Variants in ADGRG1 observed in about 807,000 individuals in gnomAD.
ADGRG1 encodes the protein 7-transmembrane protein with no EGF-like N-terminal domains-1.
In ADGRG1, 53 loss-of-function variants were observed where a neutral mutation model predicts 73.5. The observed-to-expected ratio is 0.72, with a 90% CI of 0.58 to 0.91. The LOEUF (loss-of-function observed/expected upper bound fraction) is 0.91, where lower values mean the gene tolerates loss of function less well. Among genes scored for constraint, ADGRG1 ranks in the 40% least tolerant of loss-of-function variants. The probability of loss-of-function intolerance (pLI) is 0.00; values close to 1 mark genes in which losing one functional copy is unlikely to be tolerated. For missense variants in ADGRG1, 795 were observed against 871.8 expected, an observed-to-expected ratio of 0.91 and a Z score of 1.11; for synonymous variants, 394 against 374.4, an observed-to-expected ratio of 1.05 and a Z score of -0.60.
Position 57,655,861 on chromosome 16 carries a change from A to AC in ADGRG1, c.901-11dup. ...ACTCCCTCCCTACTCTCTTCCTCCA[A>AC]CCCCATGTATCTAGGACAAGAATTC... On this transcript the variant is annotated splice_polypyrimidine_tract_variant and intron_variant, in intron 6 of 13. Coordinates refer to ENST00000562631, the MANE Select transcript of ADGRG1 (RefSeq NM_201525.4). The AC allele has an allele frequency of 6.2e-7, 1 of 1,613,934 alleles. No individual in the cohort carries two copies. Among genetic ancestry groups the AC allele is most frequent in the Non-Finnish European group, 8.5e-7 (1 of 1,179,936 alleles).
chr16:57,633,761 T>G (rs1424398185), intron 1 of ADGRG1, among the ~76,000 whole-genome samples: 1 of 152,244 alleles, frequency 6.6e-6, no homozygotes, highest in African/African-American at 2.4e-5. Flanking sequence ...TTCTGGGCCA[T>G]GACCAAGCCT....
chr16:57,652,769 T>G, intron 3 of ADGRG1: 1 of 1,056,144 alleles, frequency 9.5e-7, no homozygotes, highest in African/African-American at 1.7e-5. Context: ...GACACCTTAG[T>G]CGGCCGCCTT....
At chr16:57,661,585 A>G in intron 12 of ADGRG1, 112 bp from the exon 13 acceptor site, 1 of 1,522,216 alleles carries the variant, frequency 6.6e-7, no homozygotes, top group Non-Finnish European at 8.8e-7. Context: ...AATAGAAAAC[A>G]AGCGCACTTG....
chr16:57,628,333 G>A (rs1480612393), upstream of ADGRG1: 16 of 414,950 alleles, frequency 3.9e-5, no homozygotes, highest in African/African-American at 1.7e-4. Context: ...CCTGGGAGGC[G>A]ACAGATGGAG....
chr16:57,656,407 A>G lies in ADGRG1; in HGVS notation c.1064-107A>G, dbSNP rs2305308. The G allele has an allele frequency of 0.025, 39,768 of 1,608,860 alleles. 3,979 individuals carry two copies. The African/African-American group carries it at 0.3, about 12-fold the overall frequency. ...TTTGAAGAGAGAGCGATGGCAGGCT[A>G]TGAGTAGGCCGGGTGGAAGAATGAC... On this transcript the variant is annotated intron_variant, in intron 8 of 13. Transcript: ENST00000562631.
chr16:57,621,868 A>G (rs2034889692), intron 2 of ADGRG1: 1 of 985,222 alleles, frequency 1.0e-6, no homozygotes, highest in Non-Finnish European at 1.2e-6. Flanking sequence ...TGGTGACCCC[A>G]TGCCAAGGCT....
At chr16:57,630,379 T>C (rs901601835) in intron 1 of ADGRG1, 50 of 985,420 alleles carry the variant, frequency 5.1e-5, no homozygotes, top group South Asian at 4.2e-4. Context: ...CCTTCTTTGC[T>C]GCAGGGACCC....
At chr16:57,654,180 C>T (rs768235614) in intron 5 of ADGRG1, 47 bp downstream of exon 5, 1 of 1,583,028 alleles carries the variant, frequency 6.3e-7, no homozygotes, top group African/African-American at 1.3e-5. Flanking sequence ...TGGGCCGGGG[C>T]CAGATGGAGG....
Position 57,653,244 on chromosome 16 carries a change from TGCGAGCTCAAAAGGGACCTCCA to T in ADGRG1, c.532_553del (p.Glu178CysfsTer6), listed in dbSNP as rs1178421128. On this transcript the variant is annotated frameshift_variant, in exon 4 of 14. Transcript: ENST00000562631. LOFTEE classifies it high-confidence loss of function. The stretch of plus-strand genomic sequence containing the variant: ...CGCTCACAATGCCTCGGTGGACATG[TGCGAGCTCAAAAGGGACCTCCA>T]GCTGCTCAGCCAGTTCCTGAAGCAT... The T allele has an allele frequency of 6.2e-7, 1 of 1,612,332 alleles. No homozygotes were observed. Among genetic ancestry groups the T allele is most frequent in the Admixed American group, 1.7e-5 (1 of 60,002 alleles).
chr16:57,657,832 C>T (rs2046127493), intron 10 of ADGRG1, among the ~76,000 whole-genome samples: 1 of 152,040 alleles, frequency 6.6e-6, no homozygotes, highest in Non-Finnish European at 1.5e-5. Context: ...ACCTCTGCCT[C>T]CCGGGTTCAA....
Position 57,653,203 on chromosome 16 carries a change from G to T in ADGRG1, c.488G>T (p.Ser163Ile). 1 of 1,608,098 alleles carries T rather than the reference G, an allele frequency of 6.2e-7. No individual in the cohort carries two copies. The highest frequency in any genetic ancestry group is 8.5e-7 in the Non-Finnish European group (1 of 1,179,816). ...GGGGGCCTGTCCACCCCTCCCCCAGGTCCTCCCCACACGGCCGCTCACAAT... is the reference window on the plus strand; with the variant it reads ...GGGGGCCTGTCCACCCCTCCCCCAGTTCCTCCCCACACGGCCGCTCACAAT... ...SAASFTFSFH[S>I]PPHTAAHNAS... The change falls in exon 4 of 14, where the codon AGT (serine) becomes ATT (isoleucine). Residue 163 changes from serine (S) to isoleucine (I), a missense_variant and splice_region_variant. Coordinates refer to ENST00000562631, the MANE Select transcript of ADGRG1 (RefSeq NM_201525.4).
rs549044019 is a variant in ADGRG1, at chr16:57,650,987, C to T, written c.65-213C>T. 6.8e-4 allele frequency: 624 copies of T among 918,104 alleles called. 3 individuals carry two copies. The highest frequency in any genetic ancestry group is 5.5e-3 in the South Asian group (110 of 19,952). The allele number at this position is 918,104 out of a possible 1,614,324, so 56.9% of individuals were successfully genotyped here. A position where few individuals can be genotyped will look rare whatever the true frequency, so the allele number is the denominator to read the frequency against. On this transcript the variant is annotated intron_variant, in intron 2 of 13. Transcript: ENST00000562631. ...CCTCCCAAAGTGCTGGGATTACAGG[C>T]GTGAGCCACCGCGCCCGGCCTCAGT...
chr16:57,643,833 G>A, intron 1 of ADGRG1: 1 of 983,990 alleles, frequency 1.0e-6, no homozygotes, highest in Non-Finnish European at 1.2e-6. Flanking sequence ...TGGGAATAGG[G>A]GAGGAGAGTG....
intron 1 of ADGRG1, 87 bp downstream of exon 1, chr16:57,628,889 T>TGTGTGAGA (rs2036554804): frequency 2.6e-6 from 2 of 778,400 alleles, no homozygotes; most frequent in African/African-American, 5.6e-5. Context: ...TGTGTGAGAG[T>TGTGTGAGA]GTGAGTGTGT....
At chr16:57,620,635 G>A (rs115355937), upstream of ADGRG1, among the ~76,000 whole-genome samples, 302 of 152,316 alleles carry the variant, frequency 2.0e-3, 2 homozygotes, top group African/African-American at 7.0e-3. Context: ...CGAGCCAAAT[G>A]GAAGGAACAG....
chr16:57,660,619 TG>T, intron 11 of ADGRG1, 148 bp from the exon 12 acceptor site: 1 of 1,504,090 alleles, frequency 6.6e-7, no homozygotes, highest in Non-Finnish European at 9.0e-7. Context: ...GGTCCAAACT[TG>T]GGGGAACTTC....
chr16:57,630,220 G>C (rs1249158645), intron 1 of ADGRG1: 1 of 434,012 alleles, frequency 2.3e-6, no homozygotes, highest in Non-Finnish European at 3.1e-6. Context: ...TGGCTCCTTG[G>C]GGTCAGAGAC....
chr16:57,651,277 T>C lies in ADGRG1; in HGVS notation c.142T>C (p.Tyr48His). ...CCAGACACACAGGAGCAGCCTCCACTACAAACCCACACCAGACCTGCGCAT... is the reference window on the plus strand; with the variant it reads ...CCAGACACACAGGAGCAGCCTCCACCACAAACCCACACCAGACCTGCGCAT... The part of the protein sequence containing the change: ...RNQTHRSSLH[Y>H]KPTPDLRISI... Residue 48 changes from tyrosine (Y) to histidine (H), a missense_variant, in exon 3 of 14, where the codon TAC (tyrosine) becomes CAC (histidine). Coordinates refer to ENST00000562631, the MANE Select transcript of ADGRG1 (RefSeq NM_201525.4). 1 of 1,614,078 alleles carries C rather than the reference T, an allele frequency of 6.2e-7. No individual in the cohort carries two copies. The highest frequency in any genetic ancestry group is 8.5e-7 in the Non-Finnish European group (1 of 1,180,016).
At chr16:57,632,221 A>G (rs1201700457) in intron 1 of ADGRG1, 1 of 985,318 alleles carries the variant, frequency 1.0e-6, no homozygotes, top group African/African-American at 1.7e-5. Context: ...AGCCAGGCAC[A>G]TGCTCGTGTC....
Sources: allele counts gnomAD v4.1 joint callset (sites outside exome capture counted in the v4.1 genomes callset), GRCh38; gene constraint gnomAD v4.1.1; transcripts MANE v1.5; gene names NCBI Gene and HGNC (gene_info 2026-07-23, HGNC 2026-07-21).